Variants in ORC1 observed in about 807,000 individuals in gnomAD.
ORC1 encodes origin recognition complex subunit 1, also known as origin recognition complex, subunit 1 homolog.
ORC1 carries 61 observed loss-of-function variants against 98.9 expected under a neutral mutation model. The ratio of observed to expected loss-of-function variants is 0.62; its 90% confidence interval spans 0.50 to 0.76. The LOEUF is 0.76. Among genes scored for constraint, ORC1 ranks in the 30% least tolerant of loss-of-function variants. ORC1 has a pLI of 0.00. For synonymous variants in ORC1, 385 were observed against 406.9 expected (o/e 0.95, Z 0.65); for missense variants, 979 against 1,072.2 (o/e 0.91, Z 1.21).
At chr1:52,405,421 A>G (rs1433133427), upstream of ORC1, among the ~76,000 whole-genome samples, 2 of 152,246 alleles carry the variant, frequency 1.3e-5, no homozygotes, top group Non-Finnish European at 2.9e-5. Flanking sequence ...TTACCTGGAA[A>G]TAAGAACATT....
At position 52,384,615 on chromosome 1, in the gene ORC1, G is replaced by C. The variant is rs755501953; in HGVS notation, c.1690C>G (p.Gln564Glu). 1.2e-6 allele frequency: 2 copies of C among 1,613,948 alleles called. No homozygotes were observed. The highest frequency in any genetic ancestry group is 4.5e-5 in the East Asian group (2 of 44,890). The change falls in exon 11 of 17, where the codon CAA (glutamine) becomes GAA (glutamate). Residue 564 changes from glutamine (Q) to glutamate (E), a missense_variant. Physicochemically the swap from Gln to Glu is conservative, Grantham distance 29. Coordinates refer to ENST00000371568, the MANE Select transcript of ORC1 (RefSeq NM_004153.4). ...TTCATGCCATTGACCTCAATGTATT[G>C]AAAGGGAGGAACATCATTGGCTTGG... The part of the protein sequence containing the change: ...AAQANDVPPF[Q>E]YIEVNGMKLT...
intron 14 of ORC1, among the ~76,000 whole-genome samples, chr1:52,377,156 G>A (rs1286227211): frequency 1.3e-5 from 2 of 152,164 alleles, no homozygotes; most frequent in Admixed American, 6.6e-5. Flanking sequence ...CCGAATAGCT[G>A]AGATTAAAGG....
chr1:52,402,268 T>C, intron 1 of ORC1, 40 bp from the exon 2 acceptor site: 1 of 1,446,730 alleles, frequency 6.9e-7, no homozygotes, highest in Non-Finnish European at 9.7e-7. Context: ...ATGATAAATA[T>C]TTGGTATTTA....
upstream of ORC1, chr1:52,404,624 A>G: frequency 2.8e-6 from 3 of 1,069,206 alleles, no homozygotes; most frequent in African/African-American, 1.6e-5. Context: ...TTCCGGCTTC[A>G]AGATGGTCGC....
chr1:52,392,787 T>TA (rs1647250058), intron 6 of ORC1, among the ~76,000 whole-genome samples: 1 of 152,224 alleles, frequency 6.6e-6, no homozygotes, highest in African/African-American at 2.4e-5. Flanking sequence ...ACCATTATTC[T>TA]AAGTGAAGTG....
chr1:52,402,372 G>C, intron 1 of ORC1, 144 bp from the exon 2 acceptor site: 1 of 706,944 alleles, frequency 1.4e-6, no homozygotes, highest in Non-Finnish European at 2.5e-6. Flanking sequence ...TTTAGACTAA[G>C]AAAACATTTT....
chr1:52,394,577 A>G (rs756513219), intron 5 of ORC1, among the ~76,000 whole-genome samples: 2 of 152,226 alleles, frequency 1.3e-5, no homozygotes, highest in Non-Finnish European at 2.9e-5. Flanking sequence ...TAAAATTTCA[A>G]CAGAGTTGAA....
At chr1:52,384,467 C>T in intron 11 of ORC1, 83 bp downstream of exon 11, 1 of 1,247,774 alleles carries the variant, frequency 8.0e-7, no homozygotes, top group Admixed American at 1.7e-5. Context: ...ACATGCAATA[C>T]ACGCAAAATT....
At chr1:52,380,191 G>C (rs1200255735) in intron 14 of ORC1, among the ~76,000 whole-genome samples, 4 of 152,176 alleles carry the variant, frequency 2.6e-5, no homozygotes, top group Non-Finnish European at 5.9e-5. Flanking sequence ...AGGAAAGACA[G>C]TGATACTGGC....
At chr1:52,376,507 A>G (rs1429817969) in intron 14 of ORC1, among the ~76,000 whole-genome samples, 1 of 152,106 alleles carries the variant, frequency 6.6e-6, no homozygotes, top group Non-Finnish European at 1.5e-5. Context: ...ATCTAAAAAA[A>G]AAAATCACTT....
chr1:52,373,310 G>A lies in ORC1; in HGVS notation c.2457C>T (p.Thr819=). The part of the protein sequence containing the change: ...EGLPYPTMSE[T]MAVCSHLGSC... ...AGCCCAGGTGAGAACACACGGCCAT[G>A]GTCTCTGACATGGTGGGGTACGGCA... The change falls in exon 17 of 17, where the codon ACC becomes ACT. Residue 819 remains threonine (T), a synonymous_variant. Transcript: ENST00000371568. 6.2e-7 allele frequency: 1 copy of A among 1,614,180 alleles called. No homozygotes were observed. Among genetic ancestry groups the A allele is most frequent in the South Asian group, 1.1e-5 (1 of 91,088 alleles).
Position 52,402,208 on chromosome 1 carries a change from T to C in ORC1, c.16A>G (p.Thr6Ala), listed in dbSNP as rs1215224327. MAHYP[T>A]RLKTRKTYSW... is the part of the protein sequence containing the mutation. ...TAAGTTTTTCTGGTCTTCAGCCTTGTGGGGTAGTGTGCCATGGCTTCTGTG... is the reference window on the plus strand; with the variant it reads ...TAAGTTTTTCTGGTCTTCAGCCTTGCGGGGTAGTGTGCCATGGCTTCTGTG... Residue 6 changes from threonine (T) to alanine (A), a missense_variant, in exon 2 of 17, where the codon ACA (threonine) becomes GCA (alanine). By Grantham distance (58) the Thr-to-Ala change is moderately conservative. Coordinates refer to ENST00000371568, the MANE Select transcript of ORC1 (RefSeq NM_004153.4). 6 of 1,614,038 alleles carry C rather than the reference T, an allele frequency of 3.7e-6. No homozygotes were observed. The highest frequency in any genetic ancestry group is 5.1e-6 in the Non-Finnish European group (6 of 1,180,002).
At chr1:52,392,096 AT>A (rs1647223516) in intron 6 of ORC1, among the ~76,000 whole-genome samples, 1 of 151,996 alleles carries the variant, frequency 6.6e-6, no homozygotes, top group African/African-American at 2.4e-5. Context: ...AAATCAAAAA[AT>A]AATAGATGTT....
intron 13 of ORC1, among the ~76,000 whole-genome samples, chr1:52,382,766 G>A (rs1190734479): frequency 6.6e-6 from 1 of 151,938 alleles, no homozygotes; most frequent in East Asian, 1.9e-4. Flanking sequence ...GTTTAGTAGA[G>A]ATGGGGTTTC....
At chr1:52,389,933 G>T (rs1278406227) in intron 6 of ORC1, among the ~76,000 whole-genome samples, 1 of 152,150 alleles carries the variant, frequency 6.6e-6, no homozygotes, top group Non-Finnish European at 1.5e-5. Flanking sequence ...AAAAGAGCAT[G>T]TCAAACTGTT....
At position 52,373,087 on chromosome 1, in the gene ORC1, G is replaced by A. The variant is rs574908976; in HGVS notation, c.*94C>T. 1,615 of 1,273,322 alleles carry A rather than the reference G, an allele frequency of 1.3e-3. 3 individuals are homozygous for A. The highest frequency in any genetic ancestry group is 3.2e-3 in the Admixed American group (191 of 59,418). The allele number at this position is 1,273,322 out of a possible 1,614,324, so 78.9% of individuals were successfully genotyped here. On this transcript the variant is annotated 3_prime_UTR_variant, in exon 17 of 17. Transcript: ENST00000371568. Reference sequence around the variant, plus strand: ...GTCAAGGCTGCAGTGAGCCATGATCGTGCCACTGCACTCCAGCCTGGGCGA... The same window carrying A: ...GTCAAGGCTGCAGTGAGCCATGATCATGCCACTGCACTCCAGCCTGGGCGA...
chr1:52,394,123 C>T (rs1206899485), intron 5 of ORC1, among the ~76,000 whole-genome samples: 1 of 152,176 alleles, frequency 6.6e-6, no homozygotes, highest in Non-Finnish European at 1.5e-5. Flanking sequence ...TCAGGGGTGA[C>T]ATCGCATGCC....
At chr1:52,404,962 C>CCT, upstream of ORC1, 2 of 1,517,388 alleles carry the variant, frequency 1.3e-6, no homozygotes, top group Non-Finnish European at 1.8e-6. Flanking sequence ...TAGCGACTGG[C>CCT]CTCTGGGGGT....
upstream of ORC1, chr1:52,404,707 G>T (rs1167943901): frequency 6.2e-7 from 1 of 1,600,990 alleles, no homozygotes; most frequent in Non-Finnish European, 8.5e-7. Flanking sequence ...TGGATGTGAG[G>T]CATTAAAGGA....
Sources: allele counts gnomAD v4.1 joint callset (sites outside exome capture counted in the v4.1 genomes callset), GRCh38; gene constraint gnomAD v4.1.1; transcripts MANE v1.5; gene names NCBI Gene and HGNC (gene_info 2026-07-23, HGNC 2026-07-21).